Variants in TTC27 observed in about 807,000 individuals in gnomAD.
TTC27 encodes tetratricopeptide repeat domain 27, also known as tetratricopeptide repeat protein 27.
Under a neutral mutation model 115.9 loss-of-function variants are expected in TTC27, and 79 were observed. The observed-to-expected ratio is 0.68, with a 90% CI of 0.57 to 0.82. The LOEUF (loss-of-function observed/expected upper bound fraction) is 0.82, where lower values mean the gene tolerates loss of function less well. TTC27 is among the 40% of genes least tolerant of loss of function. The pLI is 0.00. For missense variants in TTC27, 1,054 were observed against 993.1 expected (o/e 1.06, Z -0.82); for synonymous variants, 401 against 356.0 (o/e 1.13, Z -1.42).
intron 9 of TTC27, among the ~76,000 whole-genome samples, chr2:32,699,466 C>G (rs192183628): frequency 2.0e-5 from 3 of 152,348 alleles, no homozygotes; most frequent in African/African-American, 7.2e-5. Context: ...TGGGGTTGGC[C>G]TGCTGCTTAG....
chr2:32,675,660 T>C (rs149641324), intron 8 of TTC27, among the ~76,000 whole-genome samples: 67 of 152,352 alleles, frequency 4.4e-4, no homozygotes, highest in African/African-American at 9.6e-4. Flanking sequence ...GGTTTTTAAA[T>C]AGTGATTTTC....
intron 4 of TTC27, among the ~76,000 whole-genome samples, chr2:32,649,337 T>C (rs954087543): frequency 1.3e-5 from 2 of 151,838 alleles, no homozygotes; most frequent in Admixed American, 1.3e-4. Flanking sequence ...TCTTACCTTG[T>C]TGGGTAGTAG....
rs753322968 is a variant in TTC27 at position 32,650,240 on chromosome 2, A to G, written c.640+7A>G. Reference sequence around the variant, plus strand: ...GAAAACTGTATTGATCAAGGTATGTAGCAGATTTTTGTTTGATATGGGCAT... The same window carrying G: ...GAAAACTGTATTGATCAAGGTATGTGGCAGATTTTTGTTTGATATGGGCAT... On this transcript the variant is annotated splice_region_variant and intron_variant, in intron 5 of 19. Coordinates refer to ENST00000317907, the MANE Select transcript of TTC27 (RefSeq NM_017735.5). 1.2e-6 allele frequency: 2 copies of G among 1,611,398 alleles called. No homozygotes were observed. Among genetic ancestry groups the G allele is most frequent in the East Asian group, 4.5e-5 (2 of 44,844 alleles).
chr2:32,773,488 G>A (rs914550260), intron 13 of TTC27, among the ~76,000 whole-genome samples: 5 of 152,236 alleles, frequency 3.3e-5, no homozygotes, highest in African/African-American at 4.8e-5. Flanking sequence ...TTGGTGACAA[G>A]GATGGTATTG....
At chr2:32,667,120 A>G (rs1485457389) in intron 7 of TTC27, among the ~76,000 whole-genome samples, 3 of 152,106 alleles carry the variant, frequency 2.0e-5, no homozygotes, top group Non-Finnish European at 4.4e-5. Context: ...TCTATCTGCT[A>G]TCATATTTGT....
intron 10 of TTC27, among the ~76,000 whole-genome samples, chr2:32,708,103 G>A (rs368078667): frequency 2.6e-5 from 4 of 152,056 alleles, no homozygotes; most frequent in African/African-American, 9.7e-5. Flanking sequence ...GAACTATACA[G>A]GTTCGCTTAT....
chr2:32,652,847 AT>A (rs975339483), intron 5 of TTC27, among the ~76,000 whole-genome samples: 4 of 150,522 alleles, frequency 2.7e-5, no homozygotes, highest in Non-Finnish European at 5.9e-5. Flanking sequence ...AGTTGGCAGG[AT>A]TTTTTTTTTC....
At chr2:32,810,481 T>A (rs1429959419) in intron 16 of TTC27, among the ~76,000 whole-genome samples, 1 of 152,156 alleles carries the variant, frequency 6.6e-6, no homozygotes, top group South Asian at 2.1e-4. Flanking sequence ...ATAATCTAGG[T>A]TGATGCTCAG....
intron 9 of TTC27, among the ~76,000 whole-genome samples, chr2:32,689,555 A>G (rs1666747423): frequency 6.6e-6 from 1 of 152,170 alleles, no homozygotes; most frequent in African/African-American, 2.4e-5. Flanking sequence ...CTGAAGCAAA[A>G]TCAAGCTAGT....
Position 32,758,489 on chromosome 2 carries a change from C to G in TTC27, c.1650C>G (p.Phe550Leu). ...AGTTTCAAGAGTGTGTAGAGTGCTT[C>G]GAACGCTCGGTTAAGATTAATCCCA... is the stretch of plus-strand genomic sequence containing the variant. ...NKEFQECVEC[F>L]ERSVKINPMQ... The change falls in exon 13 of 20, where the codon TTC becomes TTG. Residue 550 changes from phenylalanine to leucine, a missense_variant. Transcript: ENST00000317907. 1.2e-6 allele frequency: 2 copies of G among 1,614,112 alleles called. No homozygotes were observed. The highest frequency in any genetic ancestry group is 1.3e-5 in the African/African-American group (1 of 75,030).
chr2:32,631,930 G>A (rs1342962951), intron 2 of TTC27, among the ~76,000 whole-genome samples: 1 of 151,146 alleles, frequency 6.6e-6, no homozygotes, highest in African/African-American at 2.4e-5. Flanking sequence ...CTTCCCTCAG[G>A]TTCCCATGTA....
At chr2:32,667,873 G>A (rs1665847803) in intron 7 of TTC27, among the ~76,000 whole-genome samples, 1 of 150,456 alleles carries the variant, frequency 6.6e-6, no homozygotes. Flanking sequence ...GACCAAAATG[G>A]TGAAACCCTG....
chr2:32,772,954 G>A (rs541667904), intron 13 of TTC27, among the ~76,000 whole-genome samples: 3 of 152,274 alleles, frequency 2.0e-5, no homozygotes, highest in East Asian at 1.9e-4. Context: ...AGCCAGGGTC[G>A]TAACAGTTAC....
chr2:32,775,253 A>C (rs1434509516), intron 13 of TTC27, among the ~76,000 whole-genome samples: 2 of 152,170 alleles, frequency 1.3e-5, no homozygotes, highest in Non-Finnish European at 2.9e-5. Context: ...GCTGGAGTGC[A>C]GTGGCGCCAT....
chr2:32,687,582 T>A (rs1422633787), intron 9 of TTC27, among the ~76,000 whole-genome samples: 1 of 152,194 alleles, frequency 6.6e-6, no homozygotes, highest in Admixed American at 6.5e-5. Context: ...ATGTAAAGAC[T>A]CAGATGGGTT....
chr2:32,702,367 A>T (rs1310437929), intron 9 of TTC27, among the ~76,000 whole-genome samples: 1 of 151,964 alleles, frequency 6.6e-6, no homozygotes, highest in Non-Finnish European at 1.5e-5. Context: ...GTCAGTGTTT[A>T]TCATAGTACA....
chr2:32,653,122 A>G (rs1287699930), intron 5 of TTC27, among the ~76,000 whole-genome samples: 2 of 152,234 alleles, frequency 1.3e-5, no homozygotes, highest in African/African-American at 2.4e-5. Flanking sequence ...CATGGCATCC[A>G]GTGCTGAAAA....
intron 19 of TTC27, 57 bp from the exon 20 acceptor site, chr2:32,820,759 T>C: frequency 6.8e-7 from 1 of 1,461,952 alleles, no homozygotes; most frequent in Admixed American, 2.1e-5. Flanking sequence ...TGTATCTATT[T>C]TATTTTAAAG....
chr2:32,650,377 T>A, intron 5 of TTC27, 144 bp downstream of exon 5: 1 of 515,504 alleles, frequency 1.9e-6, no homozygotes, highest in Non-Finnish European at 3.3e-6. Flanking sequence ...TTTTTTTTGG[T>A]GTAGAATATC....
Sources: gnomAD v4.1 joint callset for allele counts (sites outside exome capture counted in the v4.1 genomes callset) on GRCh38, gnomAD v4.1.1 for gene constraint, MANE v1.5 for transcripts, NCBI Gene and HGNC (gene_info 2026-07-23, HGNC 2026-07-21) for gene names.